TYW1B: variants seen among roughly 807,000 people sequenced by gnomAD.
TYW1B encodes the protein S-adenosyl-L-methionine-dependent tRNA 4-demethylwyosine synthase TYW1B.
Under a neutral mutation model 86.9 loss-of-function variants are expected in TYW1B, and 73 were observed. The ratio of observed to expected loss-of-function variants is 0.84; its 90% CI spans 0.70 to 1.02. TYW1B has a LOEUF of 1.02. Among genes scored for constraint, TYW1B ranks in the 50% least tolerant of loss-of-function variants. The pLI is 0.00. For synonymous variants in TYW1B, 248 were observed against 292.8 expected (o/e 0.85, Z 1.56); for missense variants, 637 against 827.4 (o/e 0.77, Z 2.82).
chr7:72,605,457 G>A lies in TYW1B; in HGVS notation c.1785+11215C>T, dbSNP rs536050311. Among the ~76,000 whole-genome samples, 144 of 151,964 alleles carry A rather than the reference G, an allele frequency of 9.5e-4. 3 individuals carry two copies. In the South Asian group the frequency reaches 0.017, roughly 18 times the overall value. The stretch of plus-strand genomic sequence containing the variant: ...CAATCTCCGCCTCCCTGGTTGAAGC[G>A]ATTCTCCTGCCTCAGCCTCCTGAAT... On this transcript the variant is annotated intron_variant, in intron 13 of 13. Coordinates refer to ENST00000620995, the MANE Select transcript of TYW1B (RefSeq NM_001145440.3).
intron 6 of TYW1B, among the ~76,000 whole-genome samples, chr7:72,784,689 G>C (rs1788099769): frequency 6.6e-6 from 1 of 152,116 alleles, no homozygotes; most frequent in Non-Finnish European, 1.5e-5. Flanking sequence ...GTAGAAATAA[G>C]GTTTCACCAT....
At chr7:72,780,442 A>G (rs1440065728) in intron 6 of TYW1B, among the ~76,000 whole-genome samples, 1 of 152,182 alleles carries the variant, frequency 6.6e-6, no homozygotes, top group Non-Finnish European at 1.5e-5. Context: ...TTGTCACCAC[A>G]AAACATCACA....
intron 11 of TYW1B, among the ~76,000 whole-genome samples, chr7:72,652,467 C>T (rs1328511290): frequency 6.9e-6 from 1 of 145,010 alleles, no homozygotes; most frequent in African/African-American, 2.5e-5. Flanking sequence ...ACTATTACTA[C>T]ATACAACATG....
intron 7 of TYW1B, among the ~76,000 whole-genome samples, chr7:72,746,768 G>A (rs1328936028): frequency 3.3e-5 from 5 of 152,150 alleles, no homozygotes; most frequent in African/African-American, 1.2e-4. Context: ...AGGTAGCTTC[G>A]CGAAAGGACC....
chr7:72,743,389 T>G (rs1787338245), intron 8 of TYW1B, among the ~76,000 whole-genome samples: 1 of 152,184 alleles, frequency 6.6e-6, no homozygotes, highest in African/African-American at 2.4e-5. Flanking sequence ...TTTCCTAGCA[T>G]GCCTCACTGG....
At chr7:72,798,039 G>GCA (rs71991202) in intron 6 of TYW1B, among the ~76,000 whole-genome samples, 103,701 of 142,486 alleles carry the variant, frequency 0.73, 36,414 homozygotes, top group Middle Eastern at 0.77. Context: ...ACACACACAC[G>GCA]CACACACATA....
In TYW1B at chr7:72,711,473, C is replaced by CTTTTTTTTTTT. The variant is rs59438928; in HGVS notation, c.1370+2137_1370+2147dup. On this transcript the variant is annotated intron_variant, in intron 10 of 13. Transcript: ENST00000620995. ...CTTCGTGTTTCTCTCCTCTTTAATT[C>CTTTTTTTTTTT]TTTTTTTTTTTTTTTTTTTTTTTTT... Among the ~76,000 whole-genome samples, 473 of 56,968 alleles carry CTTTTTTTTTTT rather than the reference C, an allele frequency of 8.3e-3. 80 individuals are homozygous for CTTTTTTTTTTT. Among genetic ancestry groups the CTTTTTTTTTTT allele is most frequent in the Non-Finnish European group, 0.01 (337 of 33,352 alleles). 37.4% of individuals were successfully genotyped at this position (56,968 alleles called of 152,430 possible).
At chr7:72,702,267 A>G (rs1157177800) in intron 10 of TYW1B, among the ~76,000 whole-genome samples, 23 of 152,196 alleles carry the variant, frequency 1.5e-4, no homozygotes, top group African/African-American at 5.5e-4. Context: ...GGTTTGCCAT[A>G]CAAGTCATAT....
chr7:72,719,726 A>G (rs1196933032), intron 9 of TYW1B, among the ~76,000 whole-genome samples: 12 of 151,630 alleles, frequency 7.9e-5, no homozygotes, highest in African/African-American at 2.9e-4. Flanking sequence ...GAGGAAAAAG[A>G]GGCAGGCTGA....
Position 72,827,001 on chromosome 7 carries a change from C to A in TYW1B, c.5-16G>T. On this transcript the variant is annotated splice_polypyrimidine_tract_variant and intron_variant, in intron 1 of 13. Transcript: ENST00000620995. ...GCAGAAGGATCTAAATTTAAAATGA[C>A]ACACACAGATAATTTCATTTAAAGC... 1 of 1,594,726 alleles carries A rather than the reference C, an allele frequency of 6.3e-7. No homozygotes were observed. The highest frequency in any genetic ancestry group is 8.5e-7 in the Non-Finnish European group (1 of 1,172,908).
chr7:72,583,744 GTGTCC>G (rs1811211351), intron 13 of TYW1B, among the ~76,000 whole-genome samples: 1 of 152,216 alleles, frequency 6.6e-6, no homozygotes, highest in Non-Finnish European at 1.5e-5. Context: ...TCCTTGTGAA[GTGTCC>G]TACTGGGTAC....
chr7:72,784,018 T>C (rs1282043175), intron 6 of TYW1B, among the ~76,000 whole-genome samples: 1 of 152,154 alleles, frequency 6.6e-6, no homozygotes, highest in Non-Finnish European at 1.5e-5. Context: ...AATGGAAATG[T>C]TTCTCCAGTG....
At chr7:72,822,381 C>T (rs1368741580) in intron 2 of TYW1B, among the ~76,000 whole-genome samples, 5 of 149,884 alleles carry the variant, frequency 3.3e-5, no homozygotes, top group Admixed American at 6.7e-5. Context: ...GCATACAAAT[C>T]GTCAAAACAA....
At chr7:72,590,474 T>G (rs1811371553) in intron 13 of TYW1B, among the ~76,000 whole-genome samples, 1 of 152,230 alleles carries the variant, frequency 6.6e-6, no homozygotes, top group Non-Finnish European at 1.5e-5. Flanking sequence ...CCCCCATCCC[T>G]ACTCTTTCAC....
At position 72,745,393 on chromosome 7, in the gene TYW1B, C is replaced by T. The variant is rs1585949622; in HGVS notation, c.965-792G>A. ...AGGTATACAAGAAATACATTATTCC[C>T]ATTTCCAAAAAGATCACTATTTGAT... On this transcript the variant is annotated intron_variant, in intron 7 of 13. Transcript: ENST00000620995. 2.0e-5 allele frequency among the ~76,000 whole-genome samples: 3 copies of T among 152,104 alleles called. No individual in the cohort carries two copies. In the South Asian group the frequency reaches 6.2e-4, roughly 31 times the overall value.
At chr7:72,656,346 G>C (rs1278695476) in intron 11 of TYW1B, among the ~76,000 whole-genome samples, 4 of 152,120 alleles carry the variant, frequency 2.6e-5, no homozygotes, top group Non-Finnish European at 5.9e-5. Context: ...ATTGGAAGAA[G>C]GGATCATTAA....
intron 10 of TYW1B, among the ~76,000 whole-genome samples, chr7:72,707,880 G>T (rs577364987): frequency 6.6e-6 from 1 of 152,200 alleles, no homozygotes; most frequent in South Asian, 2.1e-4. Flanking sequence ...TGCTGTTCTC[G>T]TGATAATGAG....
At chr7:72,756,700 G>T (rs1333892948) in intron 7 of TYW1B, among the ~76,000 whole-genome samples, 1 of 152,074 alleles carries the variant, frequency 6.6e-6, no homozygotes, top group East Asian at 1.9e-4. Context: ...TCAGCTCCTG[G>T]AGATACAGCC....
chr7:72,779,764 G>T (rs1788019116), intron 6 of TYW1B, among the ~76,000 whole-genome samples: 1 of 140,492 alleles, frequency 7.1e-6, no homozygotes, highest in East Asian at 2.0e-4. Context: ...GTGAAATTTG[G>T]AGTCAATATC....
Sources: gnomAD v4.1 joint callset for allele counts (sites outside exome capture counted in the v4.1 genomes callset) on GRCh38, gnomAD v4.1.1 for gene constraint, MANE v1.5 for transcripts, NCBI Gene and HGNC (gene_info 2026-07-23, HGNC 2026-07-21) for gene names.